The following NUMB variants were observed in gnomAD, a reference collection of about 807,000 sequenced individuals.
The protein encoded by NUMB is NUMB endocytic adaptor protein.
A neutral mutation model predicts 59.7 loss-of-function variants in NUMB; 29 were observed. That is an observed-to-expected ratio of 0.49 (90% CI 0.36 to 0.66). The LOEUF is 0.66. NUMB is among the 30% of genes least tolerant of loss of function. The pLI is 0.00. For synonymous variants in NUMB, 288 were observed against 288.2 expected (o/e 1.00, Z 0.01); for missense variants, 723 against 822.0 (o/e 0.88, Z 1.47).
chr14:73,422,127 G>C (rs1897375205), intron 1 of NUMB, among the ~76,000 whole-genome samples: 2 of 141,406 alleles, frequency 1.4e-5, no homozygotes, highest in Non-Finnish European at 3.0e-5. Flanking sequence ...CTGGACGACA[G>C]AGCGAGACTT....
chr14:73,360,992 G>A (rs546080895), intron 3 of NUMB, among the ~76,000 whole-genome samples: 7 of 152,118 alleles, frequency 4.6e-5, no homozygotes, highest in Admixed American at 3.3e-4. Flanking sequence ...GGGCTCAAGC[G>A]ATCCTCGCAT....
intron 2 of NUMB, among the ~76,000 whole-genome samples, chr14:73,397,701 TAAC>T (rs1269271412): frequency 6.6e-6 from 1 of 152,234 alleles, no homozygotes; most frequent in Non-Finnish European, 1.5e-5. Context: ...AAAAATCTAT[TAAC>T]AATTAAAAAT....
intron 12 of NUMB, among the ~76,000 whole-genome samples, chr14:73,278,045 CAAAA>C (rs57146032): frequency 1.9e-4 from 13 of 69,236 alleles, no homozygotes; most frequent in African/African-American, 3.6e-4. Context: ...GACTCCGTCT[CAAAA>C]AAAAAAAAAA....
intron 8 of NUMB, among the ~76,000 whole-genome samples, chr14:73,289,126 C>T (rs904973527): frequency 6.6e-6 from 1 of 151,830 alleles, no homozygotes; most frequent in Non-Finnish European, 1.5e-5. Context: ...TTATGGCCCT[C>T]CGTGCTTTTA....
chr14:73,416,611 AG>A (rs1408150999), intron 1 of NUMB, among the ~76,000 whole-genome samples: 1 of 152,062 alleles, frequency 6.6e-6, no homozygotes, highest in Non-Finnish European at 1.5e-5. Flanking sequence ...GAGGCCAAGG[AG>A]GGAGGATCAC....
chr14:73,367,380 T>TA (rs1894419228), intron 2 of NUMB, among the ~76,000 whole-genome samples: 1 of 79,598 alleles, frequency 1.3e-5, no homozygotes, highest in African/African-American at 6.1e-5. Context: ...GAGAGACAAA[T>TA]AGGATATTGT....
chr14:73,437,923 G>A (rs1216728905), intron 1 of NUMB, among the ~76,000 whole-genome samples: 1 of 152,206 alleles, frequency 6.6e-6, no homozygotes, highest in Non-Finnish European at 1.5e-5. Flanking sequence ...TAAAGGAAAT[G>A]TTAATGATCA....
At chr14:73,339,011 T>C (rs979588073) in intron 4 of NUMB, among the ~76,000 whole-genome samples, 2 of 152,228 alleles carry the variant, frequency 1.3e-5, no homozygotes, top group African/African-American at 2.4e-5. Context: ...CTGTGGTATA[T>C]GAGTTACCAA....
At chr14:73,331,714 T>A (rs752055115) in intron 4 of NUMB, among the ~76,000 whole-genome samples, 1 of 152,136 alleles carries the variant, frequency 6.6e-6, no homozygotes, top group Non-Finnish European at 1.5e-5. Context: ...CTTGGGATAA[T>A]CAGCTAGTCT....
chr14:73,393,463 A>G (rs1895955216), intron 2 of NUMB, among the ~76,000 whole-genome samples: 1 of 152,248 alleles, frequency 6.6e-6, no homozygotes, highest in Admixed American at 6.5e-5. Context: ...AAATCACATG[A>G]TTTCTAAGGC....
chr14:73,330,743 G>A (rs1368850155), intron 4 of NUMB, among the ~76,000 whole-genome samples: 1 of 118,904 alleles, frequency 8.4e-6, no homozygotes, highest in Non-Finnish European at 1.8e-5. Flanking sequence ...CTACTGTTAG[G>A]GTTTTCCAGA....
At chr14:73,311,317 G>A (rs1890765855) in intron 6 of NUMB, among the ~76,000 whole-genome samples, 1 of 152,126 alleles carries the variant, frequency 6.6e-6, no homozygotes, top group African/African-American at 2.4e-5. Flanking sequence ...GCCTCCCAAA[G>A]TGCTGGGATT....
intron 2 of NUMB, among the ~76,000 whole-genome samples, chr14:73,399,286 G>A (rs376191528): frequency 1.3e-5 from 2 of 152,278 alleles, no homozygotes; most frequent in South Asian, 2.1e-4. Context: ...TGCCAGAGCC[G>A]GGCACAGCGG....
At chr14:73,455,378 A>C (rs1164318642) in intron 1 of NUMB, among the ~76,000 whole-genome samples, 1 of 152,234 alleles carries the variant, frequency 6.6e-6, no homozygotes, top group Non-Finnish European at 1.5e-5. Flanking sequence ...CTTTCAATGG[A>C]AGAAAAATCA....
intron 6 of NUMB, among the ~76,000 whole-genome samples, chr14:73,302,980 A>C (rs530662698): frequency 2.0e-5 from 3 of 151,026 alleles, no homozygotes; most frequent in Non-Finnish European, 4.4e-5. Flanking sequence ...TTTGGGAGGA[A>C]GCCGAGGAGG....
chr14:73,451,368 C>T (rs111552682), intron 1 of NUMB, among the ~76,000 whole-genome samples: 30 of 148,528 alleles, frequency 2.0e-4, no homozygotes, highest in African/African-American at 6.9e-4. Context: ...ACCCACAAGG[C>T]GGAGGTTGCA....
At chr14:73,444,587 T>A (rs1474046481) in intron 1 of NUMB, among the ~76,000 whole-genome samples, 1 of 152,088 alleles carries the variant, frequency 6.6e-6, no homozygotes, top group Non-Finnish European at 1.5e-5. Context: ...TATATATACA[T>A]ACATACATAT....
chr14:73,390,715 T>C (rs1336935214), intron 2 of NUMB, among the ~76,000 whole-genome samples: 1 of 137,322 alleles, frequency 7.3e-6, no homozygotes, highest in African/African-American at 2.8e-5. Flanking sequence ...AGTGGCGTGA[T>C]CTCAGCTCAC....
At chr14:73,324,149 C>A (rs981272144) in intron 4 of NUMB, among the ~76,000 whole-genome samples, 4 of 152,210 alleles carry the variant, frequency 2.6e-5, no homozygotes, top group African/African-American at 9.7e-5. Context: ...GGTCAACACC[C>A]CAGACTCTGT....
Sources: gnomAD v4.1 joint callset for allele counts (sites outside exome capture counted in the v4.1 genomes callset) on GRCh38, gnomAD v4.1.1 for gene constraint, MANE v1.5 for transcripts, NCBI Gene and HGNC (gene_info 2026-07-23, HGNC 2026-07-21) for gene names.